The following SAMMSON variants were observed in gnomAD, a reference collection of about 807,000 sequenced individuals.
The protein encoded by SAMMSON is long intergenic non-protein coding RNA 1212.
chr3:70,202,817 G>A (rs1243701741), intron 4 of SAMMSON, among the ~76,000 whole-genome samples: 2 of 152,098 alleles, frequency 1.3e-5, no homozygotes, highest in Admixed American at 6.6e-5. Flanking sequence ...GGTGTTAAAT[G>A]TACAACTGGG....
intron 4 of SAMMSON, among the ~76,000 whole-genome samples, chr3:70,195,484 G>A (rs1045909101): frequency 6.6e-6 from 1 of 152,162 alleles, no homozygotes; most frequent in Non-Finnish European, 1.5e-5. Context: ...CAATGTTTGG[G>A]AGAGTTTATT....
At chr3:70,245,825 T>A (rs973168281) in intron 4 of SAMMSON, among the ~76,000 whole-genome samples, 1 of 150,574 alleles carries the variant, frequency 6.6e-6, no homozygotes, top group Non-Finnish European at 1.5e-5. Context: ...CCATCCAATT[T>A]TTTTGAATGT....
intron 4 of SAMMSON, among the ~76,000 whole-genome samples, chr3:70,230,079 A>G (rs1575602313): frequency 6.6e-6 from 1 of 152,186 alleles, no homozygotes; most frequent in African/African-American, 2.4e-5. Context: ...ATGGTTAAGA[A>G]ATTGAGCTCA....
chr3:70,135,708 C>G (rs2067503113), intron 4 of SAMMSON, among the ~76,000 whole-genome samples: 1 of 152,104 alleles, frequency 6.6e-6, no homozygotes, highest in Admixed American at 6.5e-5. Flanking sequence ...CATAAAATTC[C>G]TTTTCCAAAA....
chr3:70,293,902 A>G (rs1702265270), intron 7 of SAMMSON, among the ~76,000 whole-genome samples: 1 of 152,006 alleles, frequency 6.6e-6, no homozygotes, highest in African/African-American at 2.4e-5. Flanking sequence ...GTTGAAGCCT[A>G]AAGAGACCCT....
intron 7 of SAMMSON, among the ~76,000 whole-genome samples, chr3:70,331,350 G>C (rs1418421119): frequency 6.6e-6 from 1 of 152,282 alleles, no homozygotes; most frequent in Admixed American, 6.5e-5. Context: ...CTTATGTACA[G>C]CTTATCACAT....
intron 4 of SAMMSON, among the ~76,000 whole-genome samples, chr3:70,081,393 G>A (rs769490642): frequency 2.0e-5 from 3 of 152,194 alleles, no homozygotes; most frequent in South Asian, 2.1e-4. Context: ...GATTACAGGC[G>A]TGAGCCACCG....
Position 70,350,160 on chromosome 3 carries a change from G to A in SAMMSON, n.740-4015G>A, listed in dbSNP as rs961804880. On this transcript the variant is annotated intron_variant and non_coding_transcript_variant, in intron 7 of 9. Coordinates refer to ENST00000642114, the Ensembl canonical transcript of SAMMSON. Reference sequence around the variant, plus strand: ...TTTAAGTTAAAAACAAATTCTGTGGGTGACTAAAATCTCCAGAATGCAAAA... The same window carrying A: ...TTTAAGTTAAAAACAAATTCTGTGGATGACTAAAATCTCCAGAATGCAAAA... Among the ~76,000 whole-genome samples the A allele has an allele frequency of 3.2e-4, 48 of 152,094 alleles. 1 individual carries two copies. Among genetic ancestry groups the A allele is most frequent in the Non-Finnish European group, 5.9e-5 (4 of 68,012 alleles).
intron 3 of SAMMSON, chr3:70,014,922 T>C (rs186227104): frequency 6.6e-6 from 1 of 152,220 alleles, no homozygotes; most frequent in African/African-American, 2.4e-5. Flanking sequence ...CTCCCTTAGA[T>C]AGATCTTACG....
chr3:70,019,580 A>T (rs1256552246), intron 3 of SAMMSON, among the ~76,000 whole-genome samples: 1 of 152,184 alleles, frequency 6.6e-6, no homozygotes, highest in Non-Finnish European at 1.5e-5. Flanking sequence ...TAGCCCATTT[A>T]CAGTTACGGT....
intron 9 of SAMMSON, among the ~76,000 whole-genome samples, chr3:70,362,948 G>A (rs553114396): frequency 7.9e-5 from 12 of 151,920 alleles, no homozygotes; most frequent in East Asian, 3.9e-4. Flanking sequence ...TGGGGTCTGC[G>A]ATAGAGCCCA....
At chr3:70,132,036 A>C (rs1385658883) in intron 4 of SAMMSON, among the ~76,000 whole-genome samples, 1 of 152,122 alleles carries the variant, frequency 6.6e-6, no homozygotes, top group Non-Finnish European at 1.5e-5. Context: ...AGAAACCTTA[A>C]AAACTGAGTT....
At chr3:70,420,445 C>T (rs1004062047) in intron 2 of SAMMSON, among the ~76,000 whole-genome samples, 5 of 152,130 alleles carry the variant, frequency 3.3e-5, no homozygotes, top group Admixed American at 1.3e-4. Flanking sequence ...TGTCTATTTT[C>T]CAAGAATTAA....
chr3:70,230,745 C>T lies in SAMMSON; in HGVS notation n.508-18362C>T, dbSNP rs181718927. Among the ~76,000 whole-genome samples, 37 of 152,308 alleles carry T rather than the reference C, an allele frequency of 2.4e-4. 1 individual carries two copies. In the East Asian group the frequency reaches 4.6e-3, roughly 19 times the overall value. On this transcript the variant is annotated intron_variant and non_coding_transcript_variant, in intron 4 of 9. Coordinates refer to ENST00000642114, the Ensembl canonical transcript of SAMMSON. Reference sequence around the variant, plus strand: ...TGTCTGTGGAAGAATTCATCCCATGCCTTCACCCTCCTTGAGTTTTAAAGG... The same window carrying T: ...TGTCTGTGGAAGAATTCATCCCATGTCTTCACCCTCCTTGAGTTTTAAAGG...
At chr3:70,272,446 G>A (rs1184405461) in intron 6 of SAMMSON, 1 of 152,192 alleles carries the variant, frequency 6.6e-6, no homozygotes, top group Non-Finnish European at 1.5e-5. Context: ...TCATTCATTT[G>A]CAATGCTGGG....
chr3:70,343,901 G>A (rs1702730314), intron 7 of SAMMSON, among the ~76,000 whole-genome samples: 1 of 149,194 alleles, frequency 6.7e-6, no homozygotes, highest in Non-Finnish European at 1.5e-5. Context: ...ACATTATAAT[G>A]TATATATATA....
intron 7 of SAMMSON, among the ~76,000 whole-genome samples, chr3:70,318,261 C>A (rs1314408581): frequency 6.6e-6 from 1 of 151,912 alleles, no homozygotes; most frequent in African/African-American, 2.4e-5. Context: ...ATATATTAGA[C>A]CACTTGATAT....
intron 4 of SAMMSON, among the ~76,000 whole-genome samples, chr3:70,134,103 A>G (rs974438667): frequency 2.0e-5 from 3 of 150,936 alleles, no homozygotes; most frequent in Non-Finnish European, 4.4e-5. Flanking sequence ...AAAAAAAAAA[A>G]AAAAAAATTA....
At chr3:70,061,524 C>T (rs2067190449) in intron 3 of SAMMSON, among the ~76,000 whole-genome samples, 1 of 152,156 alleles carries the variant, frequency 6.6e-6, no homozygotes, top group South Asian at 2.1e-4. Context: ...GTTCTCGTTT[C>T]TGCATGGGCA....
Sources: allele counts gnomAD v4.1 joint callset (sites outside exome capture counted in the v4.1 genomes callset), GRCh38; gene constraint gnomAD v4.1.1; transcripts MANE v1.5; gene names NCBI Gene and HGNC (gene_info 2026-07-23, HGNC 2026-07-21).